MAPK13: variants seen among roughly 807,000 people sequenced by gnomAD.
The protein encoded by MAPK13 is mitogen-activated protein kinase 13.
In MAPK13, 39 loss-of-function variants were observed where a neutral mutation model predicts 53.5. That is an observed-to-expected ratio of 0.73 (90% CI 0.56 to 0.95). The LOEUF is 0.95. Among genes scored for constraint, MAPK13 ranks in the 40% least tolerant of loss-of-function variants. The pLI is 0.00. For missense variants in MAPK13, 460 were observed against 471.8 expected (o/e 0.98, Z 0.23); for synonymous variants, 179 against 190.9 (o/e 0.94, Z 0.51).
Position 36,135,034 on chromosome 6 carries a change from G to A in MAPK13, c.309-719G>A, listed in dbSNP as rs555169648. The stretch of plus-strand genomic sequence containing the variant: ...CATCTCAAAGAAAAAAAGAAAGGAA[G>A]AAAGAAAGATGGGTCCCTATGTTGC... On this transcript the variant is annotated intron_variant, in intron 3 of 11. Coordinates refer to ENST00000211287, the MANE Select transcript of MAPK13 (RefSeq NM_002754.5). 6.6e-4 allele frequency among the ~76,000 whole-genome samples: 100 copies of A among 152,314 alleles called. 1 individual carries two copies. The highest frequency in any genetic ancestry group is 3.7e-3 in the Admixed American group (56 of 15,296).
intron 9 of MAPK13, 24 bp downstream of exon 9, chr6:36,138,468 C>A: frequency 6.2e-7 from 1 of 1,609,422 alleles, no homozygotes; most frequent in Non-Finnish European, 8.5e-7. Context: ...GGGACCTAGG[C>A]TGGCCTGGGC....
chr6:36,137,002 A>G (rs1227398385), intron 8 of MAPK13, 52 bp downstream of exon 8: 1 of 1,476,812 alleles, frequency 6.8e-7, no homozygotes, highest in Admixed American at 1.8e-5. Context: ...TTCCTTCAAC[A>G]GACACTTTAT....
intron 1 of MAPK13, 26 bp from the exon 2 acceptor site, chr6:36,131,245 C>A: frequency 6.2e-7 from 1 of 1,604,760 alleles, no homozygotes; most frequent in Non-Finnish European, 8.5e-7. Context: ...GAGAGCCTCG[C>A]CTGCTGACCG....
intron 5 of MAPK13, 86 bp from the exon 6 acceptor site, chr6:36,136,398 T>C: frequency 8.4e-7 from 1 of 1,190,994 alleles, no homozygotes; most frequent in South Asian, 1.6e-5. Flanking sequence ...GGGGCCTGGC[T>C]GAGGTCACAC....
At chr6:36,131,120 C>A (rs1446903267) in intron 1 of MAPK13, 151 bp from the exon 2 acceptor site, 2 of 860,820 alleles carry the variant, frequency 2.3e-6, no homozygotes, top group African/African-American at 1.7e-5. Context: ...TGGCTTCCTA[C>A]TCCCTGCCCT....
rs140693663 is a variant in MAPK13, at chr6:36,141,344, C to A, written c.*1971C>A. On this transcript the variant is annotated 3_prime_UTR_variant, in exon 12 of 12. Transcript: ENST00000211287. ...GAGAAGGGGAGGAAGTAGGTGGGAA[C>A]CTCTATACTTTCTACCAACCTAAAA... 3 of 152,256 alleles carry A rather than the reference C, an allele frequency of 2.0e-5. No homozygotes were observed. Among genetic ancestry groups the A allele is most frequent in the African/African-American group, 7.2e-5 (3 of 41,542 alleles). The allele number at this position is 152,256 out of a possible 1,614,324, so 9.4% of individuals were successfully genotyped here.
At chr6:36,131,956 T>C (rs772539505) in intron 2 of MAPK13, among the ~76,000 whole-genome samples, 1 of 152,214 alleles carries the variant, frequency 6.6e-6, no homozygotes, top group Non-Finnish European at 1.5e-5. Context: ...TCTGAGCACA[T>C]GACCATCAGA....
intron 9 of MAPK13, 121 bp downstream of exon 9, chr6:36,138,565 C>T (rs1015433434): frequency 3.2e-6 from 4 of 1,254,106 alleles, no homozygotes; most frequent in African/African-American, 3.0e-5. Context: ...TCCTCCTACC[C>T]TGGCAGGCAC....
rs769528395 is a variant in MAPK13, at chr6:36,138,436, G to A, written c.754G>A (p.Asp252Asn). 13 of 1,613,812 alleles carry A rather than the reference G, an allele frequency of 8.1e-6. No homozygotes were observed. The highest frequency in any genetic ancestry group is 2.2e-5 in the East Asian group (1 of 44,870). The change falls in exon 9 of 12, where the codon GAC becomes AAC. Residue 252 changes from aspartate to asparagine, a missense_variant. Transcript: ENST00000211287. ...PGTEFVQKLN[D>N]KAAKSYIQSL... ...CACGGAGTTTGTGCAGAAGCTGAACGACAAAGCGGTGGGTGGTAAATGGGA... is the reference window on the plus strand; with the variant it reads ...CACGGAGTTTGTGCAGAAGCTGAACAACAAAGCGGTGGGTGGTAAATGGGA...
chr6:36,139,435 C>A lies in MAPK13; in HGVS notation c.*62C>A. On this transcript the variant is annotated 3_prime_UTR_variant, in exon 12 of 12. Transcript: ENST00000211287. The stretch of plus-strand genomic sequence containing the variant: ...CCCAAGGACCAGTATTTGTCACTAC[C>A]AAACTCAGCCCTTCTTGGAATACAG... The A allele has an allele frequency of 7.4e-7, 1 of 1,353,146 alleles. No individual in the cohort carries two copies. Among genetic ancestry groups the A allele is most frequent in the Non-Finnish European group, 1.1e-6 (1 of 944,378 alleles). The allele number at this position is 1,353,146 out of a possible 1,614,324, so 83.8% of individuals were successfully genotyped here.
chr6:36,141,189 G>C lies in MAPK13; in HGVS notation c.*1816G>C, dbSNP rs1423243979. 2.0e-5 allele frequency: 3 copies of C among 152,062 alleles called. No homozygotes were observed. The highest frequency in any genetic ancestry group is 6.6e-5 in the Admixed American group (1 of 15,266). The allele number at this position is 152,062 out of a possible 1,614,324, so 9.4% of individuals were successfully genotyped here. The stretch of plus-strand genomic sequence containing the variant: ...GCATTTGTTACCATCTGTAGGACTG[G>C]ATAACACAGAGTGAACCCTCAAGTA... On this transcript the variant is annotated 3_prime_UTR_variant, in exon 12 of 12. Coordinates refer to ENST00000211287, the MANE Select transcript of MAPK13 (RefSeq NM_002754.5).
At position 36,130,735 on chromosome 6, in the gene MAPK13, G is replaced by GGGGGGCC; in HGVS notation, c.119+36_119+37insGGGCCGG. On this transcript the variant is annotated intron_variant, in intron 1 of 11. Coordinates refer to ENST00000211287, the MANE Select transcript of MAPK13 (RefSeq NM_002754.5). This position sits in a 1 kb window ranked among gnomAD's most constrained non-coding sequence, Gnocchi z 4.5. ...CCTGGGCCGCTGGGGGGCGGGGGGC[G>GGGGGGCC]GGCGCCAGGCTCTCCCCTTTCCGCC... 1 of 1,087,622 alleles carries GGGGGGCC rather than the reference G, an allele frequency of 9.2e-7. No individual in the cohort carries two copies. Among genetic ancestry groups the GGGGGGCC allele is most frequent in the Non-Finnish European group, 1.3e-6 (1 of 757,874 alleles). The allele number at this position is 1,087,622 out of a possible 1,614,324, so 67.4% of individuals were successfully genotyped here.
At chr6:36,135,495 C>T (rs1766398132) in intron 3 of MAPK13, among the ~76,000 whole-genome samples, 1 of 152,230 alleles carries the variant, frequency 6.6e-6, no homozygotes, top group Admixed American at 6.5e-5. Flanking sequence ...GAACACAGTT[C>T]CATGTGGCTT....
intron 5 of MAPK13, 138 bp from the exon 6 acceptor site, chr6:36,136,346 C>A (rs1015038639): frequency 1.9e-5 from 14 of 739,894 alleles, no homozygotes; most frequent in Non-Finnish European, 3.1e-5. Flanking sequence ...CCTAGTCCAA[C>A]CCTCATTTTA....
At chr6:36,132,405 C>T (rs1581879428) in intron 2 of MAPK13, among the ~76,000 whole-genome samples, 2 of 152,352 alleles carry the variant, frequency 1.3e-5, no homozygotes, top group South Asian at 4.1e-4. Context: ...CCCAGCCTGA[C>T]TCTCTGTCAT....
Position 36,132,613 on chromosome 6 carries a change from T to C in MAPK13, c.250-8T>C, listed in dbSNP as rs750534328. On this transcript the variant is annotated splice_polypyrimidine_tract_variant and splice_region_variant and intron_variant, in intron 2 of 11. Transcript: ENST00000211287. ...CTGTCTAGCCCTCACAGGTGACTTC[T>C]TCCCCAGGTCATTGGGCTCCTGGAT... The C allele has an allele frequency of 6.2e-7, 1 of 1,614,108 alleles. No homozygotes were observed. Among genetic ancestry groups the C allele is most frequent in the South Asian group, 1.1e-5 (1 of 91,074 alleles).
Position 36,136,707 on chromosome 6 carries a change from G to A in MAPK13, c.547G>A (p.Val183Met), listed in dbSNP as rs200103514. Residue 183 changes from valine (V) to methionine (M), a missense_variant, in exon 7 of 12, where the codon GTG becomes ATG. Physicochemically the swap from Val to Met is conservative, Grantham distance 21. Coordinates refer to ENST00000211287, the MANE Select transcript of MAPK13 (RefSeq NM_002754.5). ...TGCAGACGCCGAGATGACTGGCTACGTGGTGACCCGCTGGTACCGAGCCCC... is the reference window on the plus strand; with the variant it reads ...TGCAGACGCCGAGATGACTGGCTACATGGTGACCCGCTGGTACCGAGCCCC... ...RHADAEMTGY[V>M]VTRWYRAPEV... is the part of the protein sequence containing the mutation. 2.0e-5 allele frequency: 32 copies of A among 1,613,910 alleles called. No individual in the cohort carries two copies. Among genetic ancestry groups the A allele is most frequent in the Non-Finnish European group, 2.5e-5 (30 of 1,179,972 alleles).
At chr6:36,135,950 G>T in intron 4 of MAPK13, 69 bp from the exon 5 acceptor site, 1 of 1,605,870 alleles carries the variant, frequency 6.2e-7, no homozygotes, top group Non-Finnish European at 8.5e-7. Context: ...ACTGTTACAG[G>T]TCGGCCAGCC....
chr6:36,131,273 C>A lies in MAPK13; in HGVS notation c.122C>A (p.Ser41Ter). Residue 41 changes from serine to a stop codon, truncating the protein, a stop_gained and splice_region_variant, in exon 2 of 12, where the codon TCG becomes TAG. Coordinates refer to ENST00000211287, the MANE Select transcript of MAPK13 (RefSeq NM_002754.5). LOFTEE classifies it high-confidence loss of function. Reference protein sequence around the residue: ...VGSGAYGSVCSAIDKRSGEKV... With the variant: ...VGSGAYGSVC ...GCTGACCGGCCTGTGCCCGACAGCT[C>A]GGCCATCGACAAGCGGTCAGGGGAG... The A allele has an allele frequency of 6.2e-7, 1 of 1,611,938 alleles. No individual in the cohort carries two copies. The highest frequency in any genetic ancestry group is 1.1e-5 in the South Asian group (1 of 90,914).
Sources: gnomAD v4.1 joint callset for allele counts (sites outside exome capture counted in the v4.1 genomes callset) on GRCh38, gnomAD v4.1.1 for gene constraint, Gnocchi (gnomAD v3.1) non-coding constraint, MANE v1.5 for transcripts, NCBI Gene and HGNC (gene_info 2026-07-23, HGNC 2026-07-21) for gene names.